SVEP1: variants seen among roughly 807,000 people sequenced by gnomAD.
SVEP1 encodes the protein sushi, von Willebrand factor type A, EGF and pentraxin domain-containing protein 1.
A neutral mutation model predicts 367.3 loss-of-function variants in SVEP1; 164 were observed. That is an observed-to-expected ratio of 0.45 (90% CI 0.39 to 0.51). The LOEUF is 0.51. SVEP1 is among the 20% of genes least tolerant of loss of function. SVEP1 has a pLI of 0.00. For synonymous variants in SVEP1, 1,666 were observed against 1,611.6 expected, an observed-to-expected ratio of 1.03 and a Z score of -0.81; for missense variants, 4,117 against 4,425.3, an observed-to-expected ratio of 0.93 and a Z score of 1.98.
intron 1 of SVEP1, among the ~76,000 whole-genome samples, chr9:110,571,062 G>A (rs6415810): frequency 1.5e-4 from 23 of 149,148 alleles, no homozygotes; most frequent in Admixed American, 6.7e-5. Context: ...CTGCAACCTC[G>A]GCCTCCCAGG....
rs376141813 is a variant in SVEP1 at position 110,408,874 on chromosome 9, T to C, written c.6726A>G (p.Val2242=). Residue 2242 remains valine (V), a synonymous_variant, in exon 38 of 48, where the codon GTA becomes GTG. Transcript: ENST00000374469. The part of the protein sequence containing the change: ...NPGYKSVGSP[V]FVCQANRHWH... ...AGTGGCGATTGGCTTGGCAGACAAA[T>C]ACAGGACTTCCGACTGACTTATAGC... 3.3e-5 allele frequency: 54 copies of C among 1,613,442 alleles called. No individual in the cohort carries two copies. In the African/African-American group the frequency reaches 5.9e-4, roughly 18 times the overall value.
chr9:110,500,150 T>C (rs1564160367), intron 6 of SVEP1, among the ~76,000 whole-genome samples: 1 of 151,332 alleles, frequency 6.6e-6, no homozygotes, highest in East Asian at 1.9e-4. Context: ...CATGAAATAA[T>C]TTCTTTCCAA....
At chr9:110,484,949 G>A (rs1307586590) in intron 9 of SVEP1, among the ~76,000 whole-genome samples, 2 of 152,136 alleles carry the variant, frequency 1.3e-5, no homozygotes, top group Non-Finnish European at 2.9e-5. Flanking sequence ...TGCTAACAAG[G>A]CTGTGAAGAA....
intron 36 of SVEP1, among the ~76,000 whole-genome samples, chr9:110,426,785 T>G (rs2254179): frequency 0.7 from 106,397 of 151,984 alleles, 38,511 homozygotes; most frequent in African/African-American, 0.9. Context: ...GGGCTTTTGC[T>G]AAGATCAAAT....
At chr9:110,379,725 T>C (rs187052540) in intron 43 of SVEP1, among the ~76,000 whole-genome samples, 2 of 152,336 alleles carry the variant, frequency 1.3e-5, no homozygotes, top group East Asian at 3.9e-4. Flanking sequence ...TTTTGTCTTC[T>C]GATTCAAATG....
chr9:110,547,395 T>C (rs2118845745), intron 2 of SVEP1, among the ~76,000 whole-genome samples: 1 of 152,230 alleles, frequency 6.6e-6, no homozygotes, highest in African/African-American at 2.4e-5. Flanking sequence ...AGACCCTGTC[T>C]CTACAAAAAC....
intron 31 of SVEP1, 30 bp from the exon 32 acceptor site, chr9:110,432,064 A>C (rs760637684): frequency 1.9e-6 from 3 of 1,567,136 alleles, no homozygotes; most frequent in South Asian, 1.2e-5. Flanking sequence ...TAAATATTAA[A>C]GTTGATTCCT....
At chr9:110,465,095 C>T (rs1828914221) in intron 18 of SVEP1, among the ~76,000 whole-genome samples, 1 of 151,852 alleles carries the variant, frequency 6.6e-6, no homozygotes, top group African/African-American at 2.4e-5. Context: ...GTCCCTGGAC[C>T]AGTAGAATCA....
intron 8 of SVEP1, among the ~76,000 whole-genome samples, chr9:110,490,878 TG>T (rs1305138680): frequency 6.6e-6 from 1 of 151,998 alleles, no homozygotes; most frequent in Non-Finnish European, 1.5e-5. Flanking sequence ...CTTCTTGAAT[TG>T]TATGTTTATT....
At chr9:110,438,733 TA>T (rs1189069880) in intron 27 of SVEP1, among the ~76,000 whole-genome samples, 2 of 152,208 alleles carry the variant, frequency 1.3e-5, no homozygotes, top group Non-Finnish European at 2.9e-5. Flanking sequence ...AGAATTTCTC[TA>T]AGGCTTTTGA....
In SVEP1 at chr9:110,503,189, C is replaced by T. The variant is rs370267821; in HGVS notation, c.1332G>A (p.Pro444=). ...TAGAACAGCTGATGTGGCCATGTTT[C>T]GGCTGGCGGAGATGAGGACATGTTC... ...RVRTCPHLRQ[P]KHGHISCSTR... The change falls in exon 6 of 48, where the codon CCG becomes CCA. Residue 444 remains proline, a synonymous_variant. Coordinates refer to ENST00000374469, the MANE Select transcript of SVEP1 (RefSeq NM_153366.4). 2.2e-5 allele frequency: 35 copies of T among 1,613,234 alleles called. No individual in the cohort carries two copies. In the Middle Eastern group the frequency reaches 8.2e-4, roughly 38 times the overall value.
At chr9:110,471,888 A>G (rs76605517) in intron 15 of SVEP1, among the ~76,000 whole-genome samples, 23,021 of 152,112 alleles carry the variant, frequency 0.15, 2,343 homozygotes, top group East Asian at 0.44. Context: ...ATTATAACAT[A>G]ATAAATTCCT....
Position 110,400,847 on chromosome 9 carries a change from C to T in SVEP1, c.9822+7G>A, listed in dbSNP as rs16914990. On this transcript the variant is annotated splice_region_variant and intron_variant, in intron 40 of 47. Transcript: ENST00000374469. ...ATTATTTCTAGTTAAACAATTTGTT[C>T]GCTTACCTCTAGTTCATAGCCAGGC... 61,947 of 1,597,458 alleles carry T rather than the reference C, an allele frequency of 0.039. 1,647 individuals carry two copies. The highest frequency in any genetic ancestry group is 0.13 in the African/African-American group (9,875 of 74,166).
chr9:110,367,424 C>A (rs1049486933), intron 47 of SVEP1, among the ~76,000 whole-genome samples: 6 of 152,072 alleles, frequency 3.9e-5, no homozygotes, highest in Non-Finnish European at 8.8e-5. Flanking sequence ...GCCTTGGCTT[C>A]CCAAATTGCT....
At chr9:110,530,488 G>A (rs1830003800) in intron 3 of SVEP1, among the ~76,000 whole-genome samples, 1 of 152,120 alleles carries the variant, frequency 6.6e-6, no homozygotes, top group East Asian at 1.9e-4. Context: ...AATTCCTCCT[G>A]CATAAATTCA....
intron 3 of SVEP1, among the ~76,000 whole-genome samples, chr9:110,545,760 C>G (rs948930663): frequency 3.9e-5 from 6 of 152,148 alleles, no homozygotes; most frequent in Non-Finnish European, 5.9e-5. Context: ...TACAAGCTTC[C>G]ATTCTTCTTC....
chr9:110,484,299 T>C (rs1019329843), intron 9 of SVEP1, among the ~76,000 whole-genome samples: 3 of 151,768 alleles, frequency 2.0e-5, no homozygotes, highest in Non-Finnish European at 4.4e-5. Context: ...AAGAAAAGAG[T>C]GGGAACCCGC....
chr9:110,434,601 G>A, intron 29 of SVEP1, 95 bp from the exon 30 acceptor site: 1 of 1,040,690 alleles, frequency 9.6e-7, no homozygotes, highest in South Asian at 1.9e-5. Flanking sequence ...ATCAGCATTT[G>A]AGAGCCACCT....
intron 39 of SVEP1, among the ~76,000 whole-genome samples, chr9:110,403,365 C>G (rs111779837): frequency 4.1e-5 from 5 of 122,038 alleles, no homozygotes; most frequent in Non-Finnish European, 8.0e-5. Flanking sequence ...AGTGCAGTGG[C>G]GCAATCTCGG....
Sources: allele counts gnomAD v4.1 joint callset (sites outside exome capture counted in the v4.1 genomes callset), GRCh38; gene constraint gnomAD v4.1.1; transcripts MANE v1.5; gene names NCBI Gene and HGNC (gene_info 2026-07-23, HGNC 2026-07-21).